The following EYS variants were observed in gnomAD, a reference collection of about 807,000 sequenced individuals.
EYS encodes the protein protein eyes shut homolog.
In EYS, 250 loss-of-function variants were observed where a neutral mutation model predicts 282.1. The observed-to-expected ratio is 0.89, with a 90% confidence interval of 0.80 to 0.98. The LOEUF is 0.98. Ranked by LOEUF, EYS falls within the 50% of genes least tolerant of loss-of-function variation. The pLI is 0.00. For missense variants in EYS, 4,016 were observed against 3,709.0 expected, an observed-to-expected ratio of 1.08 and a Z score of -2.15; for synonymous variants, 1,355 against 1,282.9, an observed-to-expected ratio of 1.06 and a Z score of -1.20.
chr6:63,879,758 T>C (rs1773078109), intron 35 of EYS, among the ~76,000 whole-genome samples: 1 of 152,190 alleles, frequency 6.6e-6, no homozygotes, highest in Non-Finnish European at 1.5e-5. Context: ...CTCGTTTCCA[T>C]ACAACTGTTG....
chr6:63,829,891 G>A (rs549831096), intron 36 of EYS, among the ~76,000 whole-genome samples: 23 of 152,318 alleles, frequency 1.5e-4, no homozygotes, highest in African/African-American at 4.6e-4. Context: ...AGGCAGCAAC[G>A]TCTGCCATTC....
chr6:65,543,761 T>C (rs1158519507), intron 2 of EYS, among the ~76,000 whole-genome samples: 1 of 152,154 alleles, frequency 6.6e-6, no homozygotes, highest in Non-Finnish European at 1.5e-5. Context: ...TGCTCTAACA[T>C]TGTGAATCAC....
In EYS at chr6:64,388,837, T is replaced by C; in HGVS notation, c.5931A>G (p.Gln1977=). ...GCTCAGCGTTACATGGATCCAATTC[T>C]TGCCTGTAACCATTTAAGAAAGAAA... The part of the protein sequence containing the change: ...NGQKYTLLIR[Q]ELDPCNAELT... Residue 1977 remains glutamine (Q), a synonymous_variant, in exon 29 of 43, where the codon CAA becomes CAG. Coordinates refer to ENST00000503581, the MANE Select transcript of EYS (RefSeq NM_001142800.2). The C allele has an allele frequency of 6.7e-7, 1 of 1,498,512 alleles. No homozygotes were observed. Among genetic ancestry groups the C allele is most frequent in the South Asian group, 1.4e-5 (1 of 71,398 alleles). 92.8% of individuals were successfully genotyped at this position (1,498,512 alleles called of 1,614,324 possible).
At chr6:63,809,028 T>A (rs959989464) in intron 36 of EYS, among the ~76,000 whole-genome samples, 15 of 152,350 alleles carry the variant, frequency 9.8e-5, no homozygotes, top group Admixed American at 9.1e-4. Context: ...CATGTTTTGA[T>A]AGGTTAAGTT....
chr6:64,119,911 T>A (rs1773519466), intron 31 of EYS, among the ~76,000 whole-genome samples: 1 of 152,224 alleles, frequency 6.6e-6, no homozygotes, highest in Non-Finnish European at 1.5e-5. Flanking sequence ...TTTTCCATGA[T>A]TAACTTTTTT....
chr6:65,482,894 C>G (rs552279473), intron 5 of EYS, among the ~76,000 whole-genome samples: 2 of 152,274 alleles, frequency 1.3e-5, no homozygotes, highest in African/African-American at 2.4e-5. Context: ...AGTTTATTTT[C>G]TGACAATCAC....
At chr6:64,380,071 G>C (rs1040428960) in intron 29 of EYS, among the ~76,000 whole-genome samples, 3 of 151,132 alleles carry the variant, frequency 2.0e-5, no homozygotes, top group Admixed American at 2.0e-4. Flanking sequence ...TTAAAATATA[G>C]ATTTTCCCCC....
intron 31 of EYS, among the ~76,000 whole-genome samples, chr6:64,099,381 AGC>A (rs1467475821): frequency 6.6e-6 from 1 of 152,224 alleles, no homozygotes; most frequent in East Asian, 1.9e-4. Context: ...GTAAATATTC[AGC>A]AAAGCCTTTT....
intron 15 of EYS, among the ~76,000 whole-genome samples, chr6:64,943,003 C>T (rs562224940): frequency 6.6e-6 from 1 of 152,048 alleles, no homozygotes; most frequent in South Asian, 2.1e-4. Flanking sequence ...GGCAGCACAT[C>T]AAAAAGTTAA....
chr6:64,345,398 A>T (rs960178180), intron 29 of EYS, among the ~76,000 whole-genome samples: 1 of 152,124 alleles, frequency 6.6e-6, no homozygotes, highest in Non-Finnish European at 1.5e-5. Context: ...ATAATGCTGC[A>T]TATCTACAAC....
chr6:63,959,760 G>T (rs1765973525), intron 35 of EYS, among the ~76,000 whole-genome samples: 1 of 152,124 alleles, frequency 6.6e-6, no homozygotes, highest in Non-Finnish European at 1.5e-5. Context: ...AGTAACACAG[G>T]AACAGAGAAC....
rs1764808455 is a variant in EYS, at chr6:63,929,009, GCTAA to G, written c.7055+55370_7055+55373del. On this transcript the variant is annotated intron_variant, in intron 35 of 42. Transcript: ENST00000503581. ...ACAAGAGCATCAGTAATAATTTGAG[GCTAA>G]CTGAAACATGCAATGTCCAGTTTCT... Among the ~76,000 whole-genome samples the G allele has an allele frequency of 3.9e-5, 6 of 152,284 alleles. No homozygotes were observed. In the South Asian group the frequency reaches 1.0e-3, roughly 26 times the overall value.
intron 30 of EYS, among the ~76,000 whole-genome samples, chr6:64,303,666 C>T (rs1319337273): frequency 6.6e-6 from 1 of 151,468 alleles, no homozygotes; most frequent in African/African-American, 2.4e-5. Context: ...CACGGTGAAA[C>T]CCCGTCTCTA....
chr6:64,843,455 C>A (rs1363765054), intron 19 of EYS, among the ~76,000 whole-genome samples: 1 of 152,196 alleles, frequency 6.6e-6, no homozygotes, highest in African/African-American at 2.4e-5. Flanking sequence ...CTAAGGGAAC[C>A]TATCTCTTGC....
intron 36 of EYS, among the ~76,000 whole-genome samples, chr6:63,812,000 T>C (rs1054026203): frequency 3.3e-5 from 5 of 152,224 alleles, no homozygotes; most frequent in Admixed American, 2.6e-4. Flanking sequence ...ATTTGCTTCT[T>C]AGCTGGTCTC....
intron 7 of EYS, among the ~76,000 whole-genome samples, chr6:65,396,308 T>A (rs2150360050): frequency 6.6e-6 from 1 of 152,262 alleles, no homozygotes; most frequent in East Asian, 1.9e-4. Flanking sequence ...ACTTACATAA[T>A]CTTAATGTTA....
intron 29 of EYS, among the ~76,000 whole-genome samples, chr6:64,358,634 G>A (rs1771909594): frequency 6.6e-6 from 1 of 151,536 alleles, no homozygotes; most frequent in African/African-American, 2.4e-5. Context: ...ACTTTTCAGG[G>A]TCTATTCCAA....
At position 65,655,082 on chromosome 6, in the gene EYS, C is replaced by T. The variant is rs182645156; in HGVS notation, c.-447-15190G>A. ...TATTCATAACAGGAATTTGTAGTAA[C>T]TCAATGCATTTTTATAATTAAAATG... On this transcript the variant is annotated intron_variant, in intron 1 of 42. Transcript: ENST00000503581. Among the ~76,000 whole-genome samples, 3 of 149,056 alleles carry T rather than the reference C, an allele frequency of 2.0e-5. 1 individual carries two copies. Among genetic ancestry groups the T allele is most frequent in the Non-Finnish European group, 4.5e-5 (3 of 67,348 alleles).
At chr6:64,473,497 C>A (rs1776180446) in intron 26 of EYS, among the ~76,000 whole-genome samples, 2 of 152,142 alleles carry the variant, frequency 1.3e-5, no homozygotes, top group South Asian at 4.1e-4. Flanking sequence ...TATGACCTTT[C>A]TGGATTTTAT....
Sources: gnomAD v4.1 joint callset for allele counts (sites outside exome capture counted in the v4.1 genomes callset) on GRCh38, gnomAD v4.1.1 for gene constraint, MANE v1.5 for transcripts, NCBI Gene and HGNC (gene_info 2026-07-23, HGNC 2026-07-21) for gene names.